The following VPS45 variants were observed in gnomAD, a reference collection of about 807,000 sequenced individuals.
The protein encoded by VPS45 is vacuolar protein sorting-associated protein 45.
A neutral mutation model predicts 75.9 loss-of-function variants in VPS45; 35 were observed. That is an observed-to-expected ratio of 0.46 (90% CI 0.35 to 0.61). The LOEUF is 0.61. Among genes scored for constraint, VPS45 ranks in the 20% least tolerant of loss-of-function variants. VPS45 has a pLI of 0.00. For missense variants in VPS45, 559 were observed against 685.9 expected (o/e 0.81, Z 2.07); for synonymous variants, 220 against 238.2 (o/e 0.92, Z 0.70).
In VPS45 at chr1:150,143,246, A is replaced by T. The variant is rs149522362; in HGVS notation, c.1626-1463A>T. Among the ~76,000 whole-genome samples, 23 of 152,304 alleles carry T rather than the reference A, an allele frequency of 1.5e-4. No individual in the cohort carries two copies. The East Asian group carries it at 3.9e-3, about 26-fold the overall frequency. On this transcript the variant is annotated intron_variant, in intron 14 of 14. Coordinates refer to ENST00000644510, the MANE Select transcript of VPS45 (RefSeq NM_007259.5). ...TTATGTATTTATGTATGTATGTATGAATGAGACCATGCCTGGCCAGAAAAG... is the reference window on the plus strand; with the variant it reads ...TTATGTATTTATGTATGTATGTATGTATGAGACCATGCCTGGCCAGAAAAG...
chr1:150,091,552 C>G (rs191026839), intron 10 of VPS45, among the ~76,000 whole-genome samples: 1 of 152,282 alleles, frequency 6.6e-6, no homozygotes, highest in East Asian at 1.9e-4. Context: ...ACTGGTCAAT[C>G]ATTAATACTA....
At chr1:150,124,284 C>A (rs782492613) in intron 14 of VPS45, among the ~76,000 whole-genome samples, 3 of 151,964 alleles carry the variant, frequency 2.0e-5, no homozygotes, top group Admixed American at 2.0e-4. Context: ...CGTAGTGAAA[C>A]CCCATCGCTA....
intron 14 of VPS45, among the ~76,000 whole-genome samples, chr1:150,132,724 A>G (rs1165315958): frequency 1.3e-5 from 2 of 152,250 alleles, no homozygotes; most frequent in African/African-American, 4.8e-5. Flanking sequence ...TATGGGTTTC[A>G]GTGCCAGACT....
chr1:150,078,629 G>A (rs587611813), intron 7 of VPS45, among the ~76,000 whole-genome samples: 2 of 152,048 alleles, frequency 1.3e-5, no homozygotes, highest in East Asian at 3.9e-4. Flanking sequence ...GGGTGTGGTT[G>A]CACACACCTG....
At chr1:150,140,487 T>C (rs921412554) in intron 14 of VPS45, among the ~76,000 whole-genome samples, 1 of 151,940 alleles carries the variant, frequency 6.6e-6, no homozygotes, top group Non-Finnish European at 1.5e-5. Flanking sequence ...GTAATATGTG[T>C]ACACCATTAT....
chr1:150,090,888 A>G (rs763200617), intron 10 of VPS45, among the ~76,000 whole-genome samples: 6 of 152,214 alleles, frequency 3.9e-5, no homozygotes, highest in African/African-American at 7.2e-5. Context: ...CATATAGCAT[A>G]ACACAGTGGA....
chr1:150,074,278 C>T (rs1292508452), intron 3 of VPS45, among the ~76,000 whole-genome samples: 1 of 152,018 alleles, frequency 6.6e-6, no homozygotes, highest in Non-Finnish European at 1.5e-5. Context: ...CCGCTTCAGC[C>T]TCCCGAAGTA....
At chr1:150,087,979 T>C (rs1267863629) in intron 10 of VPS45, among the ~76,000 whole-genome samples, 1 of 152,172 alleles carries the variant, frequency 6.6e-6, no homozygotes, top group African/African-American at 2.4e-5. Flanking sequence ...TGGAATACAA[T>C]GTGATGTTTC....
chr1:150,077,358 G>A, intron 6 of VPS45, 127 bp downstream of exon 6: 3 of 1,206,242 alleles, frequency 2.5e-6, no homozygotes, highest in Non-Finnish European at 3.5e-6. Flanking sequence ...TCCGCGAAAA[G>A]AGGTAGGTAT....
At chr1:150,079,996 G>A (rs1362578149) in intron 7 of VPS45, among the ~76,000 whole-genome samples, 3 of 152,116 alleles carry the variant, frequency 2.0e-5, no homozygotes, top group Non-Finnish European at 4.4e-5. Context: ...ACTAAACTAA[G>A]TACTAGAGAT....
chr1:150,085,754 G>C (rs903633596), intron 10 of VPS45, among the ~76,000 whole-genome samples: 1 of 151,946 alleles, frequency 6.6e-6, no homozygotes, highest in African/African-American at 2.4e-5. Flanking sequence ...AGCATGTATT[G>C]CTAAAAGTTA....
Position 150,102,630 on chromosome 1 carries a change from C to T in VPS45, c.1494-7866C>T, listed in dbSNP as rs376118996. Among the ~76,000 whole-genome samples the T allele has an allele frequency of 3.3e-5, 5 of 151,504 alleles. No individual in the cohort carries two copies. The South Asian group carries it at 8.3e-4, about 25-fold the overall frequency. On this transcript the variant is annotated intron_variant, in intron 13 of 14. Transcript: ENST00000644510. Reference sequence around the variant, plus strand: ...TAAGACACGGAATCAACCTAAATGCCCACCAATGACAGACTGGATAAGGAA... The same window carrying T: ...TAAGACACGGAATCAACCTAAATGCTCACCAATGACAGACTGGATAAGGAA...
At chr1:150,081,783 C>A in intron 8 of VPS45, 101 bp from the exon 9 acceptor site, 1 of 748,112 alleles carries the variant, frequency 1.3e-6, no homozygotes, top group Non-Finnish European at 2.2e-6. Flanking sequence ...TAGAATTTCC[C>A]TGCCCTTCAA....
chr1:150,090,776 G>A (rs2101562560), intron 10 of VPS45, among the ~76,000 whole-genome samples: 1 of 152,254 alleles, frequency 6.6e-6, no homozygotes, highest in African/African-American at 2.4e-5. Flanking sequence ...TATGGAGACA[G>A]CTTTCTTCAT....
In VPS45 at chr1:150,076,155, C is replaced by G. The variant is rs587630313; in HGVS notation, c.290-78C>G. The stretch of plus-strand genomic sequence containing the variant: ...ATTTGAAGGTCACTTATTCATTAGG[C>G]TTTAACTATCAGGCCCTTTTACATA... On this transcript the variant is annotated intron_variant, in intron 3 of 14. Transcript: ENST00000644510. 4.8e-6 allele frequency: 5 copies of G among 1,042,472 alleles called. No homozygotes were observed. The African/African-American group carries it at 4.9e-5, about 10-fold the overall frequency. The allele number at this position is 1,042,472 out of a possible 1,614,324, so 64.6% of individuals were successfully genotyped here.
At chr1:150,102,547 C>CA (rs782571283) in intron 13 of VPS45, among the ~76,000 whole-genome samples, 2,170 of 142,994 alleles carry the variant, frequency 0.015, 45 homozygotes, top group Non-Finnish European at 0.024. Context: ...AACTCTGTCT[C>CA]AAAAAAAAAA....
chr1:150,092,382 C>T lies in VPS45; in HGVS notation c.1344C>T (p.Ile448=), dbSNP rs933924434. ...TCAGCCCCAAAGATGCTGTGGCTAT[C>T]ACCAAACAATTCCTCAAAGGACTGA... ...DLFSPKDAVA[I]TKQFLKGLKG... is the part of the protein sequence containing the mutation. The change falls in exon 12 of 15, where the codon ATC becomes ATT. Residue 448 remains isoleucine, a synonymous_variant. Transcript: ENST00000644510. The T allele has an allele frequency of 6.2e-6, 10 of 1,614,042 alleles. No homozygotes were observed. Among genetic ancestry groups the T allele is most frequent in the Non-Finnish European group, 8.5e-6 (10 of 1,180,024 alleles).
At chr1:150,069,281 C>A (rs906259243) in intron 2 of VPS45, among the ~76,000 whole-genome samples, 1 of 152,020 alleles carries the variant, frequency 6.6e-6, no homozygotes, top group African/African-American at 2.4e-5. Flanking sequence ...TCCTCTATAG[C>A]CAGCTAGGCT....
intron 13 of VPS45, among the ~76,000 whole-genome samples, chr1:150,097,486 G>A (rs1165326344): frequency 2.3e-4 from 35 of 151,750 alleles, no homozygotes; most frequent in African/African-American, 6.8e-4. Context: ...TTGGGAGGCC[G>A]AGCGGGCAGA....
Sources: allele counts gnomAD v4.1 joint callset (sites outside exome capture counted in the v4.1 genomes callset), GRCh38; gene constraint gnomAD v4.1.1; transcripts MANE v1.5; gene names NCBI Gene and HGNC (gene_info 2026-07-23, HGNC 2026-07-21).